Variants in TRRAP observed in about 807,000 individuals in gnomAD.
TRRAP encodes the protein transformation/transcription domain-associated protein.
TRRAP carries 41 observed loss-of-function variants against 438.8 expected under a neutral mutation model. That is an observed-to-expected ratio of 0.09 (90% confidence interval 0.07 to 0.12). TRRAP has a LOEUF of 0.12. TRRAP is among the 10% of genes least tolerant of loss of function. The pLI is 1.00. For missense variants in TRRAP, 3,122 were observed against 5,055.1 expected (o/e 0.62, Z 11.60); for synonymous variants, 1,994 against 1,962.9 (o/e 1.02, Z -0.42).
intron 48 of TRRAP, 81 bp from the exon 49 acceptor site, chr7:98,965,615 C>T: frequency 6.3e-7 from 1 of 1,582,710 alleles, no homozygotes. Context: ...CAGAACCCAG[C>T]ATGCCAGGCA....
At position 98,882,156 on chromosome 7, in the gene TRRAP, G is replaced by A. The variant is rs559073993; in HGVS notation, c.150+132G>A. 208 of 814,030 alleles carry A rather than the reference G, an allele frequency of 2.6e-4. 1 individual carries two copies. Among genetic ancestry groups the A allele is most frequent in the South Asian group, 1.8e-4 (9 of 51,100 alleles). 50.4% of individuals were successfully genotyped at this position (814,030 alleles called of 1,614,324 possible). On this transcript the variant is annotated intron_variant, in intron 3 of 72. Coordinates refer to ENST00000456197, the MANE Select transcript of TRRAP (RefSeq NM_001375524.1). ...TTGTTCAAGTAATTTAGTATATTTC[G>A]AAACTGAAATCTGAAACTTTGTACA...
chr7:98,889,418 A>G (rs1283178368), intron 3 of TRRAP, among the ~76,000 whole-genome samples: 1 of 152,120 alleles, frequency 6.6e-6, no homozygotes, highest in Non-Finnish European at 1.5e-5. Flanking sequence ...CAATAGTCCT[A>G]TAAGGAAGGC....
chr7:98,946,797 G>T (rs1791101915), intron 33 of TRRAP, among the ~76,000 whole-genome samples: 2 of 152,236 alleles, frequency 1.3e-5, no homozygotes, highest in Admixed American at 1.3e-4. Context: ...CTGCCTCCCA[G>T]TGGTGTTGCA....
At chr7:98,981,102 G>T (rs1332688854) in intron 58 of TRRAP, among the ~76,000 whole-genome samples, 1 of 151,692 alleles carries the variant, frequency 6.6e-6, no homozygotes, top group Non-Finnish European at 1.5e-5. Flanking sequence ...ATATATAACA[G>T]CTTAAAATGT....
chr7:98,988,993 C>A, intron 63 of TRRAP, 27 bp downstream of exon 63: 1 of 1,599,662 alleles, frequency 6.3e-7, no homozygotes, highest in South Asian at 1.1e-5. Context: ...GAGCTTTGAC[C>A]AGAGGCCATC....
Position 98,893,815 on chromosome 7 carries a change from T to C in TRRAP, c.384T>C (p.Asn128=). The C allele has an allele frequency of 1.9e-6, 3 of 1,613,346 alleles. No homozygotes were observed. The highest frequency in any genetic ancestry group is 2.5e-6 in the Non-Finnish European group (3 of 1,179,760). The change falls in exon 6 of 73, where the codon AAT becomes AAC. Residue 128 remains asparagine, a synonymous_variant. Coordinates refer to ENST00000456197, the MANE Select transcript of TRRAP (RefSeq NM_001375524.1). ...TTTTTTAGACGGAAAATGAAGAAAA[T>C]GTTCTTATTTGTCTAAGAATAATTA... ...FRFLETENEE[N]VLICLRIIIE... is the part of the protein sequence containing the mutation.
rs538391980 is a variant in TRRAP, at chr7:99,007,879, G to GCT, written c.10754-497_10754-496dup. Among the ~76,000 whole-genome samples, 107 of 149,794 alleles carry GCT rather than the reference G, an allele frequency of 7.1e-4. 2 individuals are homozygous for GCT. In the South Asian group the frequency reaches 0.022, roughly 31 times the overall value. On this transcript the variant is annotated intron_variant, in intron 69 of 72. Transcript: ENST00000456197. ...TCTCGCTCTGTCGCCAGGCTGGAGT[G>GCT]CTGTGGCGTGATCTCGGCTCAAGGC... is the stretch of plus-strand genomic sequence containing the variant.
chr7:98,994,447 A>C lies in TRRAP; in HGVS notation c.10048-140A>C. 7.9e-7 allele frequency: 1 copy of C among 1,260,570 alleles called. No homozygotes were observed. Among genetic ancestry groups the C allele is most frequent in the Non-Finnish European group, 1.1e-6 (1 of 903,792 alleles). The allele number at this position is 1,260,570 out of a possible 1,614,324, so 78.1% of individuals were successfully genotyped here. ...CCCGTTTCTTGCACACGCCGATTTC[A>C]TGCCTGCTGTGTGTGGGTCCTGCCG... On this transcript the variant is annotated intron_variant, in intron 66 of 72. Transcript: ENST00000456197. This position sits in a 1 kb window ranked among gnomAD's most constrained non-coding sequence, Gnocchi z 4.8.
chr7:98,885,459 T>G (rs1795653872), intron 3 of TRRAP, among the ~76,000 whole-genome samples: 1 of 152,294 alleles, frequency 6.6e-6, no homozygotes, highest in Admixed American at 6.5e-5. Context: ...CGTAAGGTCT[T>G]TTGTATTAAT....
intron 45 of TRRAP, 33 bp from the exon 46 acceptor site, chr7:98,961,228 T>G (rs374774592): frequency 7.5e-6 from 12 of 1,603,542 alleles, no homozygotes; most frequent in Non-Finnish European, 1.0e-5. Context: ...AGTGTTTGTT[T>G]CCTCTGTGAG....
intron 20 of TRRAP, among the ~76,000 whole-genome samples, chr7:98,918,567 G>A (rs560690308): frequency 6.6e-6 from 1 of 152,074 alleles, no homozygotes; most frequent in Admixed American, 6.6e-5. Context: ...GATTAAGGCA[G>A]GTGTTATGGT....
At chr7:98,889,386 A>ATAT in intron 3 of TRRAP, among the ~76,000 whole-genome samples, 1 of 152,236 alleles carries the variant, frequency 6.6e-6, no homozygotes, top group South Asian at 2.1e-4. Flanking sequence ...AACTTTGCAT[A>ATAT]TATTAACTCA....
rs373922070 is a variant in TRRAP, at chr7:99,008,468, C to T, written c.10845C>T (p.Cys3615=). Residue 3615 remains cysteine (C), a synonymous_variant, in exon 70 of 73, where the codon TGC becomes TGT. Coordinates refer to ENST00000456197, the MANE Select transcript of TRRAP (RefSeq NM_001375524.1). ...TTGTGGAGATCTACAAGCAGCGCTGCGCCAAGAAGGGCATCGAGCATGACA... is the reference window on the plus strand; with the variant it reads ...TTGTGGAGATCTACAAGCAGCGCTGTGCCAAGAAGGGCATCGAGCATGACA... ...LSLVEIYKQR[C]AKKGIEHDNP... The T allele has an allele frequency of 3.0e-5, 49 of 1,614,046 alleles. No homozygotes were observed. The highest frequency in any genetic ancestry group is 1.5e-4 in the Admixed American group (9 of 60,012).
At position 98,921,867 on chromosome 7, in the gene TRRAP, C is replaced by T; in HGVS notation, c.2737C>T (p.His913Tyr). 1 of 1,614,238 alleles carries T rather than the reference C, an allele frequency of 6.2e-7. No individual in the cohort carries two copies. The highest frequency in any genetic ancestry group is 1.3e-5 in the African/African-American group (1 of 75,056). ...GATGCTGAAGGAGTCGCAGAAGCTG[C>T]ACTACGTTGTGACCGAGGTTCAGGG... ...RKMLKESQKL[H>Y]YVVTEVQGPS... The change falls in exon 21 of 73, where the codon CAC becomes TAC. Residue 913 changes from histidine to tyrosine, a missense_variant. Around this residue, in one of 24 missense-constraint regions of TRRAP, gnomAD observed 133 missense variants for 188.6 expected, o/e 0.71. Coordinates refer to ENST00000456197, the MANE Select transcript of TRRAP (RefSeq NM_001375524.1).
rs758393904 is a variant in TRRAP, at chr7:98,967,702, G to A, written c.7512+4G>A. ...CTGGATCAAGCAGTGCATTGAGGTA[G>A]GAAGACTCGGCTCACATCTGTGGCC... On this transcript the variant is annotated splice_donor_region_variant and intron_variant, in intron 51 of 72. Transcript: ENST00000456197. The A allele has an allele frequency of 1.9e-6, 3 of 1,612,242 alleles. No individual in the cohort carries two copies. Among genetic ancestry groups the A allele is most frequent in the Non-Finnish European group, 8.5e-7 (1 of 1,179,406 alleles).
chr7:98,925,066 A>G (rs375157810), intron 21 of TRRAP, 46 bp from the exon 22 acceptor site: 21 of 1,564,688 alleles, frequency 1.3e-5, no homozygotes, highest in African/African-American at 5.5e-5. Context: ...TTTCACAATC[A>G]TGTAATTTCA....
chr7:98,909,318 C>T (rs539498343), intron 14 of TRRAP, among the ~76,000 whole-genome samples: 17 of 152,308 alleles, frequency 1.1e-4, no homozygotes, highest in African/African-American at 1.7e-4. Context: ...GCCACCATGC[C>T]GGACTTGTGG....
At position 99,005,136 on chromosome 7, in the gene TRRAP, T is replaced by C; in HGVS notation, c.10541T>C (p.Met3514Thr). 9.9e-6 allele frequency: 16 copies of C among 1,613,426 alleles called. No individual in the cohort carries two copies. Among genetic ancestry groups the C allele is most frequent in the Non-Finnish European group, 1.4e-5 (16 of 1,179,932 alleles). Residue 3514 changes from methionine (M) to threonine (T), a missense_variant, in exon 69 of 73, where the codon ATG (methionine) becomes ACG (threonine). Physicochemically the swap from Met to Thr is moderately conservative, Grantham distance 81. This residue lies in a region of TRRAP where 95 missense variants were observed against 144.1 expected (regional missense o/e 0.66). Transcript: ENST00000456197. This position sits in a 1 kb window ranked among gnomAD's most constrained non-coding sequence, Gnocchi z 5.1. Reference sequence around the variant, plus strand: ...ATGGCTTCTCGCTCTGGCAGGTTCATGCCCCGGGTAGAGATTGTGCAGAAG... The same window carrying C: ...ATGGCTTCTCGCTCTGGCAGGTTCACGCCCCGGGTAGAGATTGTGCAGAAG... The part of the protein sequence containing the change: ...THYYIKIARF[M>T]PRVEIVQKHN...
At chr7:99,008,238 A>G in intron 69 of TRRAP, 139 bp from the exon 70 acceptor site, 1 of 820,564 alleles carries the variant, frequency 1.2e-6, no homozygotes, top group Non-Finnish European at 2.0e-6. Flanking sequence ...ATGGTGCATG[A>G]CCACCGGGTT....
Sources: gnomAD v4.1 joint callset for allele counts (sites outside exome capture counted in the v4.1 genomes callset) on GRCh38, gnomAD v4.1.1 for gene constraint, gnomAD v4.1.1 regional missense constraint, Gnocchi (gnomAD v3.1) non-coding constraint, MANE v1.5 for transcripts, NCBI Gene and HGNC (gene_info 2026-07-23, HGNC 2026-07-21) for gene names.